The following AGAP1 variants were observed in gnomAD, a reference collection of about 807,000 sequenced individuals.
The protein encoded by AGAP1 is arf-GAP with GTPase, ANK repeat and PH domain-containing protein 1.
A neutral mutation model predicts 105.3 loss-of-function variants in AGAP1; 29 were observed. That is an observed-to-expected ratio of 0.28 (90% CI 0.21 to 0.38). The LOEUF (loss-of-function observed/expected upper bound fraction) is 0.38, where lower values mean the gene tolerates loss of function less well. AGAP1 is among the 10% of genes least tolerant of loss of function. The pLI, the probability that AGAP1 is intolerant of heterozygous loss-of-function variation, is 1.00. For missense variants in AGAP1, 998 were observed against 1,165.1 expected (o/e 0.86, Z 2.09); for synonymous variants, 509 against 485.9 (o/e 1.05, Z -0.63).
chr2:236,004,321 A>G (rs939973090), intron 13 of AGAP1, among the ~76,000 whole-genome samples: 4 of 152,162 alleles, frequency 2.6e-5, no homozygotes, highest in African/African-American at 7.2e-5. Flanking sequence ...CATTGTTATT[A>G]AAAAGATGAT....
chr2:236,069,126 TAA>T (rs1056836570), intron 16 of AGAP1, among the ~76,000 whole-genome samples: 3 of 138,070 alleles, frequency 2.2e-5, no homozygotes. Context: ...GACTCCATCT[TAA>T]AAAAAAAAAA....
At chr2:235,826,144 AAGG>A (rs1458073246) in intron 9 of AGAP1, among the ~76,000 whole-genome samples, 6 of 152,216 alleles carry the variant, frequency 3.9e-5, no homozygotes, top group African/African-American at 1.4e-4. Flanking sequence ...GCTCCAGTAG[AAGG>A]AGAAGGAACA....
At chr2:235,696,139 G>A (rs894195011) in intron 1 of AGAP1, among the ~76,000 whole-genome samples, 11 of 152,154 alleles carry the variant, frequency 7.2e-5, no homozygotes, top group East Asian at 1.9e-4. Flanking sequence ...TCCGCCTCTC[G>A]ATTTCAAGCG....
At chr2:236,032,084 T>C (rs2057241799) in intron 13 of AGAP1, among the ~76,000 whole-genome samples, 1 of 152,238 alleles carries the variant, frequency 6.6e-6, no homozygotes, top group Non-Finnish European at 1.5e-5. Flanking sequence ...GAGTTGTCAG[T>C]TCAGCTAAGA....
Position 235,959,043 on chromosome 2 carries a change from C to G in AGAP1, c.1484-9419C>G, listed in dbSNP as rs1349139624. 6.6e-6 allele frequency among the ~76,000 whole-genome samples: 1 copy of G among 152,128 alleles called. No individual in the cohort carries two copies. Among genetic ancestry groups the G allele is most frequent in the Non-Finnish European group, 1.5e-5 (1 of 68,028 alleles). On this transcript the variant is annotated intron_variant, in intron 12 of 17. Coordinates refer to ENST00000304032, the MANE Select transcript of AGAP1 (RefSeq NM_001037131.3). The surrounding 1 kb of genome is among the most constrained non-coding windows in gnomAD (Gnocchi z 7.3). ...GCCGGCCCATCCCGGCTCAGCGCCG[C>G]GCAGCTCGGGACCCCAGTCCCTCCG...
intron 1 of AGAP1, among the ~76,000 whole-genome samples, chr2:235,580,365 C>T (rs556661576): frequency 6.6e-4 from 100 of 151,830 alleles, no homozygotes; most frequent in Admixed American, 2.8e-3. Flanking sequence ...ACGTGCCGGC[C>T]GCTTACATTT....
At chr2:235,836,412 C>T (rs1316520921) in intron 9 of AGAP1, among the ~76,000 whole-genome samples, 4 of 152,170 alleles carry the variant, frequency 2.6e-5, no homozygotes, top group Admixed American at 2.6e-4. Context: ...ACAAGTGGTC[C>T]TGTAGGAAAT....
At chr2:235,859,389 AACCTCCCCCCCCCCC>A (rs2048822457) in intron 9 of AGAP1, among the ~76,000 whole-genome samples, 1 of 24,110 alleles carries the variant, frequency 4.1e-5, no homozygotes, top group African/African-American at 1.2e-4. Context: ...CTCCCCCCAC[AACCTCCCCCCCCCCC>A]CCCGCCTTTT....
rs538197225 is a variant in AGAP1, at chr2:235,703,591, C to T, written c.164-5588C>T. Among the ~76,000 whole-genome samples, 7 of 147,686 alleles carry T rather than the reference C, an allele frequency of 4.7e-5. No homozygotes were observed. In the East Asian group the frequency reaches 8.3e-4, roughly 17 times the overall value. On this transcript the variant is annotated intron_variant, in intron 1 of 17. Transcript: ENST00000304032. Reference sequence around the variant, plus strand: ...CCTCCCCCGCTTCCCTCCCCTCCCCCGCCCATCCTCCAGGCTGGAGTGCAG... The same window carrying T: ...CCTCCCCCGCTTCCCTCCCCTCCCCTGCCCATCCTCCAGGCTGGAGTGCAG...
intron 12 of AGAP1, among the ~76,000 whole-genome samples, chr2:235,949,955 G>A (rs1239412149): frequency 1.3e-5 from 2 of 152,344 alleles, no homozygotes; most frequent in African/African-American, 4.8e-5. Flanking sequence ...GGAAGAAACT[G>A]CACCTGTTTC....
At position 235,737,285 on chromosome 2, in the gene AGAP1, A is replaced by G. The variant is rs1192291280; in HGVS notation, c.311-3678A>G. 6.6e-6 allele frequency among the ~76,000 whole-genome samples: 1 copy of G among 152,236 alleles called. No individual in the cohort carries two copies. The highest frequency in any genetic ancestry group is 1.5e-5 in the Non-Finnish European group (1 of 68,038). Reference sequence around the variant, plus strand: ...TGATTTAAGTGTAATACGAAAAAAAATCATGCAAATCAATTACCAGTATCT... The same window carrying G: ...TGATTTAAGTGTAATACGAAAAAAAGTCATGCAAATCAATTACCAGTATCT... On this transcript the variant is annotated intron_variant, in intron 3 of 17. Transcript: ENST00000304032. The surrounding 1 kb of genome is among the most constrained non-coding windows in gnomAD (Gnocchi z 4.5).
intron 1 of AGAP1, among the ~76,000 whole-genome samples, chr2:235,593,085 G>A (rs1164301712): frequency 6.6e-6 from 1 of 152,204 alleles, no homozygotes; most frequent in African/African-American, 2.4e-5. Context: ...AAGTGAGGGA[G>A]AGGGGAGAGG....
chr2:235,684,165 C>T (rs1180652503), intron 1 of AGAP1, among the ~76,000 whole-genome samples: 1 of 152,156 alleles, frequency 6.6e-6, no homozygotes, highest in Non-Finnish European at 1.5e-5. Context: ...CCTCAGCCTC[C>T]CAAGTAGCTG....
chr2:235,969,382 A>G lies in AGAP1; in HGVS notation c.1645+759A>G, dbSNP rs532383870. ...TGCAGTTGTAACAAAGGAATACTTAAAAGGAAAAATTAAAGTTTGAGAACC... is the reference window on the plus strand; with the variant it reads ...TGCAGTTGTAACAAAGGAATACTTAGAAGGAAAAATTAAAGTTTGAGAACC... On this transcript the variant is annotated intron_variant, in intron 13 of 17. Transcript: ENST00000304032. Among the ~76,000 whole-genome samples the G allele has an allele frequency of 1.3e-5, 2 of 152,282 alleles. 1 individual carries two copies. The highest frequency in any genetic ancestry group is 4.1e-4 in the South Asian group (2 of 4,826).
chr2:235,736,832 CTG>C lies in AGAP1; in HGVS notation c.311-4127_311-4126del, dbSNP rs2149639403. On this transcript the variant is annotated intron_variant, in intron 3 of 17. Transcript: ENST00000304032. This position sits in a 1 kb window ranked among gnomAD's most constrained non-coding sequence, Gnocchi z 5.5. ...CTCCAGCCTAGGCAACAGAGTGAGA[CTG>C]TGTCTCAAAAAACAAAACAAAACAC... 6.6e-6 allele frequency among the ~76,000 whole-genome samples: 1 copy of C among 152,232 alleles called. No individual in the cohort carries two copies. Among genetic ancestry groups the C allele is most frequent in the African/African-American group, 2.4e-5 (1 of 41,530 alleles).
At chr2:235,656,562 A>G (rs6733799) in intron 1 of AGAP1, among the ~76,000 whole-genome samples, 112,589 of 151,984 alleles carry the variant, frequency 0.74, 42,784 homozygotes, top group African/African-American at 0.91. Context: ...CATTTTTCCC[A>G]CCGAACCACT....
Position 236,051,556 on chromosome 2 carries a change from C to G in AGAP1, c.2114+2275C>G. On this transcript the variant is annotated intron_variant, in intron 16 of 17. Transcript: ENST00000304032. This position sits in a 1 kb window ranked among gnomAD's most constrained non-coding sequence, Gnocchi z 5.9. ...CTCGGTGGATGCAGGCTCGGCCGGG[C>G]CTGTGGGGAGGTGTGCCTGTCGGCG... Among the ~76,000 whole-genome samples the G allele has an allele frequency of 6.6e-6, 1 of 151,980 alleles. No homozygotes were observed. The highest frequency in any genetic ancestry group is 2.4e-5 in the African/African-American group (1 of 41,370).
At chr2:235,643,882 C>G (rs867333048) in intron 1 of AGAP1, among the ~76,000 whole-genome samples, 1 of 152,140 alleles carries the variant, frequency 6.6e-6, no homozygotes, top group Admixed American at 6.5e-5. Flanking sequence ...AGCCAGCATA[C>G]ACATTTGGTT....
intron 1 of AGAP1, among the ~76,000 whole-genome samples, chr2:235,561,581 C>T (rs746917090): frequency 2.0e-5 from 3 of 152,094 alleles, no homozygotes; most frequent in Non-Finnish European, 2.9e-5. Flanking sequence ...TAGGGCTGAC[C>T]CTGGACAGTC....
Sources: gnomAD v4.1 joint callset for allele counts (sites outside exome capture counted in the v4.1 genomes callset) on GRCh38, gnomAD v4.1.1 for gene constraint, Gnocchi (gnomAD v3.1) non-coding constraint, MANE v1.5 for transcripts, NCBI Gene and HGNC (gene_info 2026-07-23, HGNC 2026-07-21) for gene names.